The following CTNNA3 variants were observed in gnomAD, a reference collection of about 807,000 sequenced individuals.
The protein encoded by CTNNA3 is catenin alpha-3.
CTNNA3 carries 76 observed loss-of-function variants against 95.7 expected under a neutral mutation model. That is an observed-to-expected ratio of 0.79 (90% CI 0.66 to 0.96). The LOEUF (loss-of-function observed/expected upper bound fraction) is 0.96, where lower values mean the gene tolerates loss of function less well. Ranked by LOEUF, CTNNA3 falls within the 40% of genes least tolerant of loss-of-function variation. The pLI, the probability that CTNNA3 is intolerant of heterozygous loss-of-function variation, is 0.00. For missense variants in CTNNA3, 1,191 were observed against 1,089.8 expected, an observed-to-expected ratio of 1.09 and a Z score of -1.31; for synonymous variants, 431 against 374.4, an observed-to-expected ratio of 1.15 and a Z score of -1.74.
At chr10:66,041,181 A>G (rs1278020237) in intron 15 of CTNNA3, among the ~76,000 whole-genome samples, 1 of 152,176 alleles carries the variant, frequency 6.6e-6, no homozygotes, top group Non-Finnish European at 1.5e-5. Context: ...GAAAACATCA[A>G]TCCAACCCCA....
Position 66,413,238 on chromosome 10 carries a change from C to T in CTNNA3, c.1532-33886G>A, listed in dbSNP as rs1388926381. On this transcript the variant is annotated intron_variant, in intron 11 of 17. Coordinates refer to ENST00000433211, the MANE Select transcript of CTNNA3 (RefSeq NM_013266.4). Reference sequence around the variant, plus strand: ...TGGTAATATCTGGTCCATGGGTCAGCACTATTGGCACCCCTTGAGAACTTG... The same window carrying T: ...TGGTAATATCTGGTCCATGGGTCAGTACTATTGGCACCCCTTGAGAACTTG... 2.0e-5 allele frequency among the ~76,000 whole-genome samples: 3 copies of T among 152,220 alleles called. No individual in the cohort carries two copies. In the East Asian group the frequency reaches 5.8e-4, roughly 29 times the overall value.
intron 2 of CTNNA3, among the ~76,000 whole-genome samples, chr10:67,617,305 A>T (rs1011289369): frequency 2.6e-5 from 4 of 152,232 alleles, no homozygotes; most frequent in South Asian, 2.1e-4. Context: ...CTATGTGTCC[A>T]TGTGTTCTCA....
chr10:66,453,802 T>C (rs2093479410), intron 11 of CTNNA3, among the ~76,000 whole-genome samples: 1 of 152,186 alleles, frequency 6.6e-6, no homozygotes, highest in Non-Finnish European at 1.5e-5. Context: ...GCATTCTCCA[T>C]AGAAGGTAAA....
At chr10:66,718,195 T>C (rs897876187) in intron 9 of CTNNA3, among the ~76,000 whole-genome samples, 2 of 151,964 alleles carry the variant, frequency 1.3e-5, no homozygotes, top group African/African-American at 4.8e-5. Flanking sequence ...CTAGGAATGA[T>C]TCTAAACTCT....
chr10:67,331,463 C>A (rs1252923741), intron 5 of CTNNA3, among the ~76,000 whole-genome samples: 2 of 151,044 alleles, frequency 1.3e-5, no homozygotes, highest in African/African-American at 4.9e-5. Flanking sequence ...TTTTTGCTCC[C>A]AAATGTTGTC....
At position 66,537,784 on chromosome 10, in the gene CTNNA3, C is replaced by G. The variant is rs564430015; in HGVS notation, c.1375-17011G>C. 3.3e-5 allele frequency among the ~76,000 whole-genome samples: 5 copies of G among 151,548 alleles called. No homozygotes were observed. In the East Asian group the frequency reaches 9.7e-4, roughly 29 times the overall value. ...ACCAGCCTGGGCAATATAGTGAGACCCCCATCCATATGAATTTTTTTAAAA... is the reference window on the plus strand; with the variant it reads ...ACCAGCCTGGGCAATATAGTGAGACGCCCATCCATATGAATTTTTTTAAAA... On this transcript the variant is annotated intron_variant, in intron 10 of 17. Coordinates refer to ENST00000433211, the MANE Select transcript of CTNNA3 (RefSeq NM_013266.4).
chr10:67,230,693 A>T (rs1413772844), intron 5 of CTNNA3, among the ~76,000 whole-genome samples: 2 of 152,258 alleles, frequency 1.3e-5, no homozygotes, highest in Non-Finnish European at 2.9e-5. Context: ...GAATAGGAAC[A>T]GCTCGGTCTA....
chr10:67,315,738 G>A (rs1331177460), intron 5 of CTNNA3, among the ~76,000 whole-genome samples: 1 of 152,084 alleles, frequency 6.6e-6, no homozygotes, highest in Non-Finnish European at 1.5e-5. Flanking sequence ...AACAAAAAAT[G>A]TACTAAATCA....
chr10:66,951,437 G>T (rs1050359057), intron 7 of CTNNA3, among the ~76,000 whole-genome samples: 2 of 152,074 alleles, frequency 1.3e-5, no homozygotes, highest in African/African-American at 4.8e-5. Flanking sequence ...CTTTTAAATG[G>T]CTTACTATGT....
At chr10:66,926,868 A>G in intron 7 of CTNNA3, 1 of 1,475,760 alleles carries the variant, frequency 6.8e-7, no homozygotes, top group Admixed American at 2.4e-5. Flanking sequence ...TGCTTGATTA[A>G]GGATTAATTC....
intron 13 of CTNNA3, among the ~76,000 whole-genome samples, chr10:66,231,036 C>T (rs539202678): frequency 2.4e-4 from 36 of 152,222 alleles, no homozygotes; most frequent in African/African-American, 8.2e-4. Context: ...TGGGGCCATG[C>T]TGTGGCAGCT....
At chr10:66,430,251 G>A (rs374913097) in intron 11 of CTNNA3, among the ~76,000 whole-genome samples, 3 of 151,684 alleles carry the variant, frequency 2.0e-5, no homozygotes, top group East Asian at 1.9e-4. Flanking sequence ...AGGAAATAAA[G>A]GAGGATACAA....
At chr10:67,120,068 C>T (rs1009576280) in intron 7 of CTNNA3, among the ~76,000 whole-genome samples, 11 of 151,952 alleles carry the variant, frequency 7.2e-5, no homozygotes, top group African/African-American at 2.2e-4. Context: ...TATGAAATAG[C>T]ACACAAGAGG....
At chr10:67,067,517 T>C (rs1487966854) in intron 7 of CTNNA3, among the ~76,000 whole-genome samples, 4 of 152,222 alleles carry the variant, frequency 2.6e-5, no homozygotes, top group Non-Finnish European at 5.9e-5. Flanking sequence ...ATCAGAAATA[T>C]GTGCATAAAA....
chr10:66,334,843 T>C (rs966590399), intron 12 of CTNNA3, among the ~76,000 whole-genome samples: 5 of 152,134 alleles, frequency 3.3e-5, no homozygotes, highest in Non-Finnish European at 7.4e-5. Context: ...CTTGGTTCCA[T>C]TCTCCCCATC....
intron 5 of CTNNA3, among the ~76,000 whole-genome samples, chr10:67,506,037 T>C (rs1839419275): frequency 6.6e-6 from 1 of 152,216 alleles, no homozygotes; most frequent in Non-Finnish European, 1.5e-5. Context: ...TTAAGCTAAA[T>C]ATAGTTTATC....
At chr10:66,815,818 T>C (rs1019741604) in intron 7 of CTNNA3, among the ~76,000 whole-genome samples, 1 of 152,072 alleles carries the variant, frequency 6.6e-6, no homozygotes, top group Non-Finnish European at 1.5e-5. Flanking sequence ...AGTGAGACAA[T>C]TGGTTGCTAG....
chr10:67,231,186 G>T (rs1394462542), intron 5 of CTNNA3, among the ~76,000 whole-genome samples: 2 of 152,218 alleles, frequency 1.3e-5, no homozygotes, highest in Non-Finnish European at 2.9e-5. Context: ...GCTCAAGGAG[G>T]CCTGCCTGCC....
At chr10:66,648,912 G>C (rs866099136) in intron 9 of CTNNA3, among the ~76,000 whole-genome samples, 1 of 152,150 alleles carries the variant, frequency 6.6e-6, no homozygotes, top group Non-Finnish European at 1.5e-5. Context: ...CATATAGCTG[G>C]GTTGTTAAGG....
Sources: allele counts gnomAD v4.1 joint callset (sites outside exome capture counted in the v4.1 genomes callset), GRCh38; gene constraint gnomAD v4.1.1; transcripts MANE v1.5; gene names NCBI Gene and HGNC (gene_info 2026-07-23, HGNC 2026-07-21).